LARP1B: variants seen among roughly 807,000 people sequenced by gnomAD.
LARP1B encodes the protein la-related protein 1B.
LARP1B carries 76 observed loss-of-function variants against 114.2 expected under a neutral mutation model. That is an observed-to-expected ratio of 0.67 (90% CI 0.55 to 0.81). The LOEUF is 0.81. Among genes scored for constraint, LARP1B ranks in the 30% least tolerant of loss-of-function variants. LARP1B has a pLI of 0.00. For missense variants in LARP1B, 1,014 were observed against 1,075.8 expected (o/e 0.94, Z 0.80); for synonymous variants, 345 against 348.0 (o/e 0.99, Z 0.10).
intron 15 of LARP1B, among the ~76,000 whole-genome samples, chr4:128,194,222 G>A (rs1255274720): frequency 2.0e-5 from 3 of 151,864 alleles, no homozygotes; most frequent in African/African-American, 7.2e-5. Flanking sequence ...ACAGGTGCCC[G>A]CTACCACACC....
At chr4:128,161,164 T>C (rs889677645) in intron 11 of LARP1B, among the ~76,000 whole-genome samples, 3 of 152,274 alleles carry the variant, frequency 2.0e-5, no homozygotes, top group African/African-American at 7.2e-5. Context: ...CTTTTTTATC[T>C]CACAGTTTAG....
chr4:128,075,127 G>GA, intron 3 of LARP1B, 134 bp downstream of exon 3: 1 of 653,352 alleles, frequency 1.5e-6, no homozygotes, highest in Non-Finnish European at 2.7e-6. Context: ...TTTTGAGACA[G>GA]GGTCTTGCTC....
At chr4:128,062,376 A>C (rs1760514025) in intron 1 of LARP1B, among the ~76,000 whole-genome samples, 2 of 151,944 alleles carry the variant, frequency 1.3e-5, no homozygotes, top group South Asian at 2.1e-4. Flanking sequence ...GGTGTCATTC[A>C]CTCTGCCTAT....
At chr4:128,154,420 T>C (rs1257381803) in intron 11 of LARP1B, among the ~76,000 whole-genome samples, 1 of 152,188 alleles carries the variant, frequency 6.6e-6, no homozygotes, top group Non-Finnish European at 1.5e-5. Flanking sequence ...TATTCAGTGG[T>C]TCCTCACCCC....
intron 8 of LARP1B, among the ~76,000 whole-genome samples, chr4:128,106,093 G>C (rs1013392314): frequency 6.6e-6 from 1 of 151,046 alleles, no homozygotes; most frequent in Admixed American, 6.6e-5. Context: ...GCGCCATCTC[G>C]GCTCACTGCA....
intron 1 of LARP1B, 56 bp downstream of exon 1, chr4:128,061,457 C>A: frequency 6.3e-6 from 1 of 158,568 alleles, no homozygotes; most frequent in Non-Finnish European, 1.3e-5. Context: ...GGGCTCGGGG[C>A]GTGCGTCGCG....
intron 9 of LARP1B, among the ~76,000 whole-genome samples, chr4:128,110,701 C>T (rs1282949913): frequency 8.8e-6 from 1 of 113,666 alleles, no homozygotes; most frequent in African/African-American, 3.1e-5. Context: ...AAAGATGCAG[C>T]AGACCACACA....
intron 5 of LARP1B, among the ~76,000 whole-genome samples, chr4:128,085,238 G>C (rs1772961804): frequency 6.6e-6 from 1 of 151,410 alleles, no homozygotes; most frequent in African/African-American, 2.4e-5. Flanking sequence ...AGTTTCTTCA[G>C]CTTTTTTGTT....
At chr4:128,148,617 T>C (rs1731328734) in intron 11 of LARP1B, among the ~76,000 whole-genome samples, 1 of 151,952 alleles carries the variant, frequency 6.6e-6, no homozygotes. Flanking sequence ...TTAAATTTTA[T>C]TATTTTACTT....
At chr4:128,062,263 G>A (rs1760436098) in intron 1 of LARP1B, 1 of 985,452 alleles carries the variant, frequency 1.0e-6, no homozygotes, top group Non-Finnish European at 1.2e-6. Context: ...GTGCGGGCAG[G>A]GGCGACTTGC....
chr4:128,222,230 T>C (rs1760086022), intron 7 of LARP1B: 2 of 435,842 alleles, frequency 4.6e-6, no homozygotes, highest in African/African-American at 2.0e-5. Flanking sequence ...TCTACTGACC[T>C]TGACCAAGTG....
chr4:128,116,638 C>T (rs1355990525), intron 10 of LARP1B, among the ~76,000 whole-genome samples: 1 of 152,148 alleles, frequency 6.6e-6, no homozygotes, highest in East Asian at 1.9e-4. Context: ...ATGCTACAGA[C>T]TGAGGATCTG....
At chr4:128,103,396 G>C (rs1189290633) in intron 8 of LARP1B, among the ~76,000 whole-genome samples, 1 of 151,960 alleles carries the variant, frequency 6.6e-6, no homozygotes, top group African/African-American at 2.4e-5. Context: ...AAGGTATATG[G>C]TAAAAATTTT....
intron 7 of LARP1B, among the ~76,000 whole-genome samples, chr4:128,096,687 G>A (rs954209725): frequency 5.3e-5 from 8 of 151,094 alleles, no homozygotes; most frequent in Non-Finnish European, 8.8e-5. Flanking sequence ...TGAAAGCTCC[G>A]CCTCCCAGGT....
intron 19 of LARP1B, 148 bp from the exon 20 acceptor site, chr4:128,209,708 A>C: frequency 1.6e-6 from 1 of 608,502 alleles, no homozygotes; most frequent in Non-Finnish European, 2.8e-6. Flanking sequence ...GGGTGACAGA[A>C]TGAGACTCCA....
intron 11 of LARP1B, among the ~76,000 whole-genome samples, chr4:128,160,206 C>T (rs529336217): frequency 8.5e-4 from 130 of 152,278 alleles, no homozygotes; most frequent in Admixed American, 1.4e-3. Context: ...AGCCTTTGGG[C>T]CTGTAGTTTG....
intron 9 of LARP1B, chr4:128,108,782 G>GT (rs1366346583): frequency 3.0e-6 from 3 of 984,944 alleles, no homozygotes; most frequent in Non-Finnish European, 2.4e-6. Flanking sequence ...AAGGCATTGG[G>GT]TAAGTTAGAT....
intron 17 of LARP1B, 60 bp downstream of exon 17, chr4:128,200,725 T>C (rs1755673285): frequency 1.6e-6 from 2 of 1,258,484 alleles, no homozygotes; most frequent in Non-Finnish European, 2.2e-6. Flanking sequence ...CTTTTTTTCT[T>C]TACCCAGGTA....
chr4:128,176,281 G>T (rs1271196122), intron 12 of LARP1B, among the ~76,000 whole-genome samples: 1 of 113,502 alleles, frequency 8.8e-6, no homozygotes, highest in African/African-American at 4.2e-5. Flanking sequence ...GTGTGTGTGT[G>T]TGTGTATATA....
Sources: allele counts gnomAD v4.1 joint callset (sites outside exome capture counted in the v4.1 genomes callset), GRCh38; gene constraint gnomAD v4.1.1; transcripts MANE v1.5; gene names NCBI Gene and HGNC (gene_info 2026-07-23, HGNC 2026-07-21).